Variants in FOCAD observed in about 807,000 individuals in gnomAD.
FOCAD encodes KIAA1797.
FOCAD carries 198 observed loss-of-function variants against 225.6 expected under a neutral mutation model. The ratio of observed to expected loss-of-function variants is 0.88; its 90% CI spans 0.78 to 0.99. The LOEUF (loss-of-function observed/expected upper bound fraction) is 0.99, where lower values mean the gene tolerates loss of function less well. Ranked by LOEUF, FOCAD falls within the 50% of genes least tolerant of loss-of-function variation. FOCAD has a pLI of 0.00. For synonymous variants in FOCAD, 897 were observed against 755.0 expected (o/e 1.19, Z -3.08); for missense variants, 2,713 against 2,123.6 (o/e 1.28, Z -5.46).
In FOCAD at chr9:20,707,366, C is replaced by A. The variant is rs967314814; in HGVS notation, c.-32-7956C>A. On this transcript the variant is annotated intron_variant, in intron 1 of 43. Transcript: ENST00000338382. ...TACACCTGCTCTTTATTGTTGAAAA[C>A]TTTCAATTTTTATGAATTTTTATGA... is the stretch of plus-strand genomic sequence containing the variant. 5.3e-5 allele frequency among the ~76,000 whole-genome samples: 8 copies of A among 149,670 alleles called. No individual in the cohort carries two copies. In the South Asian group the frequency reaches 1.1e-3, roughly 21 times the overall value.
intron 1 of FOCAD, among the ~76,000 whole-genome samples, chr9:20,703,280 T>G (rs1476034578): frequency 6.6e-6 from 1 of 152,072 alleles, no homozygotes; most frequent in African/African-American, 2.4e-5. Context: ...CACTTGAGGC[T>G]GAGGGGCCTG....
Position 20,944,729 on chromosome 9 carries a change from T to C in FOCAD, c.3510T>C (p.Ser1170=). ...TAGCAGCATTGCTCCGGAAGCTGTCTGCGCACGTAGATGACAGCGGGAGCC... is the reference window on the plus strand; with the variant it reads ...TAGCAGCATTGCTCCGGAAGCTGTCCGCGCACGTAGATGACAGCGGGAGCC... The part of the protein sequence containing the change: ...VHVAALLRKL[S]AHVDDSGSQS... The change falls in exon 29 of 44, where the codon TCT becomes TCC. Residue 1170 remains serine (S), a synonymous_variant. Transcript: ENST00000338382. The C allele has an allele frequency of 1.2e-6, 2 of 1,614,052 alleles. No individual in the cohort carries two copies. The highest frequency in any genetic ancestry group is 1.7e-6 in the Non-Finnish European group (2 of 1,179,926).
Position 20,881,913 on chromosome 9 carries a change from T to A in FOCAD, c.2360T>A (p.Val787Glu). ...ACATCACTTGTGAAGCAAGAAATGG[T>A]GAATATGCCTCGTGGGATATATCAC... ...FFTSLVKQEM[V>E]NMPRGIYHSA... Residue 787 changes from valine to glutamate, a missense_variant, in exon 20 of 44, where the codon GTG becomes GAG. Val to Glu is a moderately radical substitution (Grantham distance 121). Transcript: ENST00000338382. 1 of 1,613,656 alleles carries A rather than the reference T, an allele frequency of 6.2e-7. No homozygotes were observed. Among genetic ancestry groups the A allele is most frequent in the Non-Finnish European group, 8.5e-7 (1 of 1,179,808 alleles).
chr9:20,995,041 A>G (rs958471725), intron 43 of FOCAD, among the ~76,000 whole-genome samples: 3 of 152,152 alleles, frequency 2.0e-5, no homozygotes, highest in African/African-American at 7.2e-5. Flanking sequence ...TCCCTGAGGG[A>G]CCTGTGACAG....
At chr9:20,804,244 G>A (rs1001510453) in intron 11 of FOCAD, among the ~76,000 whole-genome samples, 7 of 151,876 alleles carry the variant, frequency 4.6e-5, no homozygotes, top group African/African-American at 1.7e-4. Flanking sequence ...GAAATATCAT[G>A]AAGCAAAAAA....
chr9:20,990,441 G>C (rs1253788252), intron 42 of FOCAD, 67 bp downstream of exon 42: 38 of 1,563,342 alleles, frequency 2.4e-5, no homozygotes, highest in Non-Finnish European at 3.3e-5. Flanking sequence ...TTCTACTGTA[G>C]AATTGAGGTG....
intron 5 of FOCAD, among the ~76,000 whole-genome samples, chr9:20,757,834 C>T (rs1430858142): frequency 2.0e-5 from 3 of 152,140 alleles, no homozygotes; most frequent in Admixed American, 6.6e-5. Context: ...TGGAAGAGTC[C>T]ATTCCCAGAT....
chr9:20,871,922 T>TA (rs11390998), intron 18 of FOCAD, among the ~76,000 whole-genome samples: 137,537 of 147,250 alleles, frequency 0.93, 64,344 homozygotes, highest in African/African-American at 0.97. Context: ...AATAATAAAA[T>TA]AAAAAAAATT....
At chr9:20,783,531 G>A (rs543197259) in intron 10 of FOCAD, among the ~76,000 whole-genome samples, 1 of 151,644 alleles carries the variant, frequency 6.6e-6, no homozygotes, top group Admixed American at 6.6e-5. Context: ...CATCCTTCAA[G>A]ACTCAGCCAA....
intron 42 of FOCAD, 107 bp downstream of exon 42, chr9:20,990,481 A>C: frequency 7.5e-7 from 1 of 1,340,154 alleles, no homozygotes. Flanking sequence ...ATCACACCAC[A>C]GACTTTCCTA....
At chr9:20,952,883 C>A in intron 34 of FOCAD, 102 bp from the exon 35 acceptor site, 1 of 872,538 alleles carries the variant, frequency 1.1e-6, no homozygotes, top group Non-Finnish European at 1.9e-6. Context: ...ATAAACATCT[C>A]CACTTTGTCT....
intron 5 of FOCAD, among the ~76,000 whole-genome samples, chr9:20,753,250 G>A (rs1227560294): frequency 6.6e-6 from 1 of 151,192 alleles, no homozygotes; most frequent in Non-Finnish European, 1.5e-5. Context: ...TTTTCAAAGG[G>A]AATGCTTCCA....
intron 1 of FOCAD, among the ~76,000 whole-genome samples, chr9:20,694,169 A>G (rs77422631): frequency 0.025 from 3,739 of 152,328 alleles, 62 homozygotes; most frequent in Middle Eastern, 0.044. Flanking sequence ...GTAAATCATA[A>G]CATTTTTTGT....
chr9:20,727,632 T>C (rs1354383323), intron 4 of FOCAD, among the ~76,000 whole-genome samples: 1 of 152,260 alleles, frequency 6.6e-6, no homozygotes, highest in African/African-American at 2.4e-5. Context: ...TATAGTTTTA[T>C]AGTTTTCTCA....
Position 20,865,952 on chromosome 9 carries a change from C to T in FOCAD, c.2082C>T (p.Phe694=), listed in dbSNP as rs756634157. ...YENFKVQVLS[F]LWTHTQNKDP... is the part of the protein sequence containing the mutation. The stretch of plus-strand genomic sequence containing the variant: ...ATTTTAAAGTTCAAGTCCTCAGCTT[C>T]CTCTGGACTCATACTCAAAACAAGG... Residue 694 remains phenylalanine, a synonymous_variant, in exon 17 of 44, where the codon TTC becomes TTT. Transcript: ENST00000338382. 6.2e-7 allele frequency: 1 copy of T among 1,609,014 alleles called. No homozygotes were observed. The highest frequency in any genetic ancestry group is 1.1e-5 in the South Asian group (1 of 90,026).
chr9:20,847,553 A>G (rs1267174291), intron 15 of FOCAD, among the ~76,000 whole-genome samples: 1 of 150,286 alleles, frequency 6.7e-6, no homozygotes, highest in Admixed American at 6.7e-5. Flanking sequence ...CCAGCCATAT[A>G]TTTAGTTGGT....
chr9:20,976,384 A>T (rs936537318), intron 35 of FOCAD, 36 bp from the exon 36 acceptor site: 1 of 1,599,792 alleles, frequency 6.3e-7, no homozygotes. Flanking sequence ...GATAGTATGC[A>T]GGTGTTTTAC....
intron 24 of FOCAD, among the ~76,000 whole-genome samples, chr9:20,920,249 A>G (rs1330745214): frequency 8.8e-5 from 13 of 147,804 alleles, no homozygotes; most frequent in African/African-American, 3.2e-4. Flanking sequence ...AATGCAAATC[A>G]AAACCACAAT....
chr9:20,854,417 T>TA (rs1451965938), intron 15 of FOCAD, among the ~76,000 whole-genome samples: 1 of 151,784 alleles, frequency 6.6e-6, no homozygotes, highest in Non-Finnish European at 1.5e-5. Context: ...GAGCAGGTGT[T>TA]ACTAGTATTA....
Sources: gnomAD v4.1 joint callset for allele counts (sites outside exome capture counted in the v4.1 genomes callset) on GRCh38, gnomAD v4.1.1 for gene constraint, MANE v1.5 for transcripts, NCBI Gene and HGNC (gene_info 2026-07-23, HGNC 2026-07-21) for gene names.